Variants in CCND1 observed in about 807,000 individuals in gnomAD.
The protein encoded by CCND1 is G1/S-specific cyclin-D1.
CCND1 carries 9 observed loss-of-function variants against 26.1 expected under a neutral mutation model. The observed-to-expected ratio is 0.35, with a 90% CI of 0.21 to 0.60. The LOEUF (loss-of-function observed/expected upper bound fraction) is 0.60. CCND1 is among the 20% of genes least tolerant of loss of function. The probability of loss-of-function intolerance (pLI) is 0.79; values close to 1 mark genes in which losing one functional copy is unlikely to be tolerated. For synonymous variants in CCND1, 194 were observed against 166.1 expected (o/e 1.17, Z -1.29); for missense variants, 335 against 392.9 (o/e 0.85, Z 1.25).
intron 3 of CCND1, among the ~76,000 whole-genome samples, chr11:69,647,731 C>T (rs1022335373): frequency 3.9e-5 from 6 of 152,198 alleles, no homozygotes; most frequent in Non-Finnish European, 8.8e-5. Context: ...TGTGTCTTCC[C>T]GTGGCTTTCT....
intron 4 of CCND1, chr11:69,648,352 C>T: frequency 1.7e-6 from 1 of 581,324 alleles, no homozygotes; most frequent in Non-Finnish European, 3.0e-6. Context: ...GAGGTCCTCA[C>T]AGCCTTCTCA....
At chr11:69,647,628 C>T (rs955857285) in intron 3 of CCND1, among the ~76,000 whole-genome samples, 3 of 152,214 alleles carry the variant, frequency 2.0e-5, no homozygotes, top group African/African-American at 7.2e-5. Context: ...ATATTTGCGT[C>T]ATCTAATTTT....
chr11:69,651,324 G>T lies in CCND1; in HGVS notation c.*42G>T. ...GGCGCCACCGCCACCCGCAGCGAGG[G>T]CGGAGCCGGCCCCAGGTGCTCCCCT... On this transcript the variant is annotated 3_prime_UTR_variant, in exon 5 of 5. Transcript: ENST00000227507. The T allele has an allele frequency of 1.4e-6, 2 of 1,416,194 alleles. No individual in the cohort carries two copies. The allele number at this position is 1,416,194 out of a possible 1,614,324, so 87.7% of individuals were successfully genotyped here.
At chr11:69,641,766 G>A (rs1486789300) in intron 1 of CCND1, among the ~76,000 whole-genome samples, 1 of 152,090 alleles carries the variant, frequency 6.6e-6, no homozygotes, top group Non-Finnish European at 1.5e-5. Flanking sequence ...TTCGGGAGAA[G>A]CCAGTGCCAG....
At position 69,651,273 on chromosome 11, in the gene CCND1, G is replaced by A. The variant is rs769111995; in HGVS notation, c.879G>A (p.Val293=). The change falls in exon 5 of 5, where the codon GTG becomes GTA. Residue 293 remains valine, a synonymous_variant. Coordinates refer to ENST00000227507, the MANE Select transcript of CCND1 (RefSeq NM_053056.3). ...LACTPTDVRD[V]DI ...GCACACCCACCGACGTGCGGGACGTGGACATCTGAGGGCGCCAGGCAGGCG... is the reference window on the plus strand; with the variant it reads ...GCACACCCACCGACGTGCGGGACGTAGACATCTGAGGGCGCCAGGCAGGCG... 6.6e-7 allele frequency: 1 copy of A among 1,514,718 alleles called. No individual in the cohort carries two copies. The highest frequency in any genetic ancestry group is 8.9e-7 in the Non-Finnish European group (1 of 1,128,326). The allele number at this position is 1,514,718 out of a possible 1,614,324, so 93.8% of individuals were successfully genotyped here. A position where few individuals can be genotyped will look rare whatever the true frequency, so the allele number is the denominator to read the frequency against.
intron 3 of CCND1, 54 bp downstream of exon 3, chr11:69,644,045 G>A (rs774039639): frequency 6.3e-7 from 1 of 1,580,196 alleles, no homozygotes; most frequent in African/African-American, 1.3e-5. Context: ...CTCCTTAGGT[G>A]ACCCTGGCCG....
At chr11:69,642,969 G>T (rs1396208258) in intron 1 of CCND1, 62 bp from the exon 2 acceptor site, 1 of 1,295,210 alleles carries the variant, frequency 7.7e-7, no homozygotes, top group Non-Finnish European at 1.0e-6. Flanking sequence ...TGGGGGGTGC[G>T]GGGGCGTGCG....
At chr11:69,641,534 C>T (rs2120082072) in intron 1 of CCND1, 23 bp downstream of exon 1, 2 of 1,608,240 alleles carry the variant, frequency 1.2e-6, no homozygotes, top group Non-Finnish European at 1.7e-6. Context: ...GGGCGGCTCT[C>T]TTAAGACTTC....
intron 3 of CCND1, among the ~76,000 whole-genome samples, chr11:69,644,615 C>T (rs1033907221): frequency 1.3e-5 from 2 of 152,190 alleles, no homozygotes; most frequent in African/African-American, 2.4e-5. Context: ...GGGCCGCCAC[C>T]GTGGGCAGCA....
At chr11:69,642,388 G>C (rs1855717862) in intron 1 of CCND1, among the ~76,000 whole-genome samples, 1 of 152,062 alleles carries the variant, frequency 6.6e-6, no homozygotes, top group Non-Finnish European at 1.5e-5. Context: ...AAAGTGCGGC[G>C]TGGTGCCCTT....
intron 3 of CCND1, 170 bp downstream of exon 3, chr11:69,644,161 T>G (rs1855749758): frequency 1.5e-6 from 1 of 679,788 alleles, no homozygotes; most frequent in African/African-American, 1.8e-5. Context: ...CTGGATTGTT[T>G]GTCGCGCTGG....
intron 2 of CCND1, 107 bp from the exon 3 acceptor site, chr11:69,643,725 G>T (rs1855741888): frequency 9.5e-7 from 1 of 1,048,948 alleles, no homozygotes; most frequent in Non-Finnish European, 1.4e-6. Flanking sequence ...AGGGGCCAGT[G>T]CTCTGAGCCG....
At chr11:69,651,054 C>A (rs2120118801) in intron 4 of CCND1, 64 bp from the exon 5 acceptor site, 1 of 1,490,754 alleles carries the variant, frequency 6.7e-7, no homozygotes, top group Non-Finnish European at 9.1e-7. Flanking sequence ...TGGGAAGGGG[C>A]CCTCGCTGCA....
chr11:69,641,180 C>A lies in CCND1; in HGVS notation c.-134C>A. 1 of 854,214 alleles carries A rather than the reference C, an allele frequency of 1.2e-6. No individual in the cohort carries two copies. Among genetic ancestry groups the A allele is most frequent in the Non-Finnish European group, 1.9e-6 (1 of 528,394 alleles). 52.9% of individuals were successfully genotyped at this position (854,214 alleles called of 1,614,324 possible). On this transcript the variant is annotated 5_prime_UTR_variant, in exon 1 of 5. Transcript: ENST00000227507. ...CAGAGGGCTGTCGGCGCAGTAGCAG[C>A]GAGCAGCAGAGTCCGCACGCTCCGG...
At position 69,654,250 on chromosome 11, in the gene CCND1, G is replaced by A. The variant is rs755255558; in HGVS notation, c.*2968G>A. The A allele has an allele frequency of 2.8e-6, 2 of 702,426 alleles. No individual in the cohort carries two copies. The highest frequency in any genetic ancestry group is 5.2e-6 in the Non-Finnish European group (2 of 385,002). 43.5% of individuals were successfully genotyped at this position (702,426 alleles called of 1,614,324 possible). Reference sequence around the variant, plus strand: ...TGATGGGGCAAGGGCACAAGTCCTGGATGTTGTGTGTATCGAGAGGCCAAA... The same window carrying A: ...TGATGGGGCAAGGGCACAAGTCCTGAATGTTGTGTGTATCGAGAGGCCAAA... On this transcript the variant is annotated 3_prime_UTR_variant, in exon 5 of 5. Transcript: ENST00000227507. This position sits in a 1 kb window ranked among gnomAD's most constrained non-coding sequence, Gnocchi z 6.3.
rs772731825 is a variant in CCND1 at position 69,652,926 on chromosome 11, T to G, written c.*1644T>G. The G allele has an allele frequency of 3.4e-6, 1 of 291,258 alleles. No individual in the cohort carries two copies. Among genetic ancestry groups the G allele is most frequent in the Non-Finnish European group, 6.4e-6 (1 of 157,206 alleles). 18.0% of individuals were successfully genotyped at this position (291,258 alleles called of 1,614,324 possible). A position where few individuals can be genotyped will look rare whatever the true frequency, so the allele number is the denominator to read the frequency against. ...ACACAAAGACATTGATTCAGCCTGTTTGGCGTTTCCCAGAGTCATCTGATT... is the reference window on the plus strand; with the variant it reads ...ACACAAAGACATTGATTCAGCCTGTGTGGCGTTTCCCAGAGTCATCTGATT... On this transcript the variant is annotated 3_prime_UTR_variant, in exon 5 of 5. Coordinates refer to ENST00000227507, the MANE Select transcript of CCND1 (RefSeq NM_053056.3).
rs911905538 is a variant in CCND1, at chr11:69,653,609, G to A, written c.*2327G>A. The A allele has an allele frequency of 2.9e-5, 14 of 477,502 alleles. No homozygotes were observed. The highest frequency in any genetic ancestry group is 8.1e-5 in the African/African-American group (4 of 49,510). The allele number at this position is 477,502 out of a possible 1,614,324, so 29.6% of individuals were successfully genotyped here. ...GCTGGCGGGGGCCGGCCCCGAGGCC[G>A]CGTGCGTGAGAACCGCGCCGGTGTC... On this transcript the variant is annotated 3_prime_UTR_variant, in exon 5 of 5. Transcript: ENST00000227507.
At position 69,651,131 on chromosome 11, in the gene CCND1, C is replaced by A. The variant is rs2120119552; in HGVS notation, c.737C>A (p.Ala246Asp). ...TCTCTCTCTCAGGACTGCCTCCGGGCCTGCCAGGAGCAGATCGAAGCCCTG... is the reference window on the plus strand; with the variant it reads ...TCTCTCTCTCAGGACTGCCTCCGGGACTGCCAGGAGCAGATCGAAGCCCTG... The part of the protein sequence containing the change: ...VIKCDPDCLR[A>D]CQEQIEALLE... The change falls in exon 5 of 5, where the codon GCC becomes GAC. Residue 246 changes from alanine (A) to aspartate (D), a missense_variant. Coordinates refer to ENST00000227507, the MANE Select transcript of CCND1 (RefSeq NM_053056.3). 6.2e-7 allele frequency: 1 copy of A among 1,613,062 alleles called. No individual in the cohort carries two copies. The highest frequency in any genetic ancestry group is 8.5e-7 in the Non-Finnish European group (1 of 1,179,508).
intron 4 of CCND1, among the ~76,000 whole-genome samples, chr11:69,648,859 G>A (rs1855819294): frequency 6.6e-6 from 1 of 152,182 alleles, no homozygotes; most frequent in Non-Finnish European, 1.5e-5. Flanking sequence ...CCGCCTCTTG[G>A]TGGTCTGCCC....
Sources: allele counts gnomAD v4.1 joint callset (sites outside exome capture counted in the v4.1 genomes callset), GRCh38; gene constraint gnomAD v4.1.1; non-coding constraint Gnocchi (gnomAD v3.1); transcripts MANE v1.5; gene names NCBI Gene and HGNC (gene_info 2026-07-23, HGNC 2026-07-21).